Variants in CACNA1C observed in about 807,000 individuals in gnomAD.
CACNA1C encodes calcium voltage-gated channel subunit alpha1 C.
A neutral mutation model predicts 229.0 loss-of-function variants in CACNA1C; 30 were observed. That is an observed-to-expected ratio of 0.13 (90% confidence interval 0.10 to 0.18). The LOEUF (loss-of-function observed/expected upper bound fraction) is 0.18, where lower values mean the gene tolerates loss of function less well. CACNA1C is among the 10% of genes least tolerant of loss of function. The pLI is 1.00. For missense variants in CACNA1C, 1,658 were observed against 2,845.0 expected (o/e 0.58, Z 9.49); for synonymous variants, 1,114 against 1,132.5 (o/e 0.98, Z 0.33).
In CACNA1C at chr12:2,585,842, T is replaced by G; in HGVS notation, c.2468T>G (p.Met823Arg). ...TCCCCTGTGACTGTCTAGATCAACATGGATGACCTCCAGCCCAATGAAAAT... is the reference window on the plus strand; with the variant it reads ...TCCCCTGTGACTGTCTAGATCAACAGGGATGACCTCCAGCCCAATGAAAAT... ...GESPPATKIN[M>R]DDLQPNENED... Residue 823 changes from methionine to arginine, a missense_variant, in exon 18 of 47, where the codon ATG (methionine) becomes AGG (arginine). This residue lies in a region of CACNA1C where 121 missense variants were observed against 128.8 expected (regional missense o/e 0.94). Coordinates refer to ENST00000399655, the MANE Select transcript of CACNA1C (RefSeq NM_000719.7). The surrounding 1 kb of genome is among the most constrained non-coding windows in gnomAD (Gnocchi z 4.1). 1 of 1,608,396 alleles carries G rather than the reference T, an allele frequency of 6.2e-7. No homozygotes were observed. The highest frequency in any genetic ancestry group is 8.5e-7 in the Non-Finnish European group (1 of 1,176,856).
intron 3 of CACNA1C, among the ~76,000 whole-genome samples, chr12:2,241,459 C>G (rs1041088187): frequency 6.6e-6 from 1 of 151,988 alleles, no homozygotes; most frequent in African/African-American, 2.4e-5. Context: ...GGAGAGCACG[C>G]GTGTGGGATG....
intron 30 of CACNA1C, chr12:2,641,707 C>T: frequency 1.4e-6 from 1 of 702,494 alleles, no homozygotes; most frequent in Admixed American, 2.0e-5. Flanking sequence ...ATCATTGTAC[C>T]TTGAAGAGAA....
chr12:2,080,578 G>T (rs1226430744), intron 1 of CACNA1C, among the ~76,000 whole-genome samples: 1 of 144,882 alleles, frequency 6.9e-6, no homozygotes, highest in Non-Finnish European at 1.5e-5. Flanking sequence ...TCCAGCATGG[G>T]CAACAGAGTG....
chr12:2,210,794 A>C (rs1487907878), intron 3 of CACNA1C, among the ~76,000 whole-genome samples: 2 of 152,202 alleles, frequency 1.3e-5, no homozygotes, highest in Non-Finnish European at 2.9e-5. Flanking sequence ...ATCATCTGCC[A>C]GGACCCCAGC....
At chr12:2,089,924 GA>G (rs1458391135) in intron 1 of CACNA1C, among the ~76,000 whole-genome samples, 2 of 152,166 alleles carry the variant, frequency 1.3e-5, no homozygotes, top group Non-Finnish European at 2.9e-5. Flanking sequence ...AGCTACTTGG[GA>G]GGCTGAGGCA....
chr12:2,678,290 C>A lies in CACNA1C; in HGVS notation c.5091+423C>A, dbSNP rs2096926068. On this transcript the variant is annotated intron_variant, in intron 41 of 46. Transcript: ENST00000399655. The surrounding 1 kb of genome is among the most constrained non-coding windows in gnomAD (Gnocchi z 4.1). ...GACCTGGTAATATTAAGCTTGCATT[C>A]CCACAGGGCAGCAGAGGGCCGGAGC... Among the ~76,000 whole-genome samples the A allele has an allele frequency of 6.6e-6, 1 of 152,186 alleles. No homozygotes were observed. The highest frequency in any genetic ancestry group is 6.5e-5 in the Admixed American group (1 of 15,284).
intron 3 of CACNA1C, among the ~76,000 whole-genome samples, chr12:2,190,932 G>A (rs2097191758): frequency 6.6e-6 from 1 of 152,164 alleles, no homozygotes; most frequent in South Asian, 2.1e-4. Flanking sequence ...TCGCACCCAT[G>A]TTTTAGGGTC....
intron 18 of CACNA1C, among the ~76,000 whole-genome samples, chr12:2,587,617 C>T (rs965115408): frequency 1.3e-5 from 2 of 152,090 alleles, no homozygotes; most frequent in Non-Finnish European, 2.9e-5. Context: ...AAAAAAAGGG[C>T]TAATGAGGAT....
intron 3 of CACNA1C, among the ~76,000 whole-genome samples, chr12:2,434,564 C>T (rs986580245): frequency 5.3e-5 from 8 of 152,178 alleles, no homozygotes; most frequent in African/African-American, 9.7e-5. Flanking sequence ...CACTGGGATG[C>T]CTTCTAGCTG....
At chr12:2,335,242 C>T (rs947868966) in intron 3 of CACNA1C, among the ~76,000 whole-genome samples, 1 of 152,148 alleles carries the variant, frequency 6.6e-6, no homozygotes, top group Non-Finnish European at 1.5e-5. Context: ...ACAAGTGGCC[C>T]CAGTGATTTA....
At chr12:1,991,448 GAAGC>G (rs778795196) in intron 1 of CACNA1C, 3 of 213,438 alleles carry the variant, frequency 1.4e-5, no homozygotes, top group Non-Finnish European at 1.9e-5. Flanking sequence ...AAAATACAAA[GAAGC>G]AAGTGAAATT....
chr12:2,684,652 G>A (rs1355800698), intron 43 of CACNA1C, among the ~76,000 whole-genome samples: 2 of 152,124 alleles, frequency 1.3e-5, no homozygotes, highest in Non-Finnish European at 2.9e-5. Context: ...ACAACCCCCA[G>A]GGGTACAGGC....
At chr12:2,206,114 G>A (rs147194434) in intron 3 of CACNA1C, among the ~76,000 whole-genome samples, 3 of 152,226 alleles carry the variant, frequency 2.0e-5, no homozygotes, top group African/African-American at 7.2e-5. Flanking sequence ...GAGGGGGAGG[G>A]CGAGCTGGAC....
chr12:2,063,666 G>C (rs535838149), intron 1 of CACNA1C, among the ~76,000 whole-genome samples: 1 of 152,284 alleles, frequency 6.6e-6, no homozygotes, highest in African/African-American at 2.4e-5. Context: ...ATTTTTCAAA[G>C]GTATCTTAGC....
chr12:2,672,331 C>A (rs2096604089), intron 38 of CACNA1C: 1 of 152,126 alleles, frequency 6.6e-6, no homozygotes, highest in Non-Finnish European at 1.5e-5. Context: ...CATAGACCAT[C>A]ATGAGAATAA....
At chr12:2,129,019 A>G (rs1342481134) in intron 3 of CACNA1C, among the ~76,000 whole-genome samples, 2 of 152,180 alleles carry the variant, frequency 1.3e-5, no homozygotes, top group East Asian at 3.9e-4. Context: ...CTTGTGTGGT[A>G]AGGTGCTCCG....
intron 1 of CACNA1C, among the ~76,000 whole-genome samples, chr12:2,109,529 G>T (rs554117211): frequency 6.6e-6 from 1 of 152,360 alleles, no homozygotes; most frequent in South Asian, 2.1e-4. Flanking sequence ...CGGGCCCAGA[G>T]GGGAGTGAGG....
chr12:2,539,178 CAGTA>C (rs1188312491), intron 9 of CACNA1C, among the ~76,000 whole-genome samples: 1 of 152,222 alleles, frequency 6.6e-6, no homozygotes. Flanking sequence ...CCCATGGAAA[CAGTA>C]GGTACTCTTA....
At chr12:2,517,858 TC>T (rs1344166204) in intron 9 of CACNA1C, among the ~76,000 whole-genome samples, 1 of 152,248 alleles carries the variant, frequency 6.6e-6, no homozygotes, top group Admixed American at 6.5e-5. Flanking sequence ...TTCTTTTTCC[TC>T]TTCAAGATGA....
Sources: allele counts gnomAD v4.1 joint callset (sites outside exome capture counted in the v4.1 genomes callset), GRCh38; gene constraint gnomAD v4.1.1; regional missense constraint gnomAD v4.1.1; non-coding constraint Gnocchi (gnomAD v3.1); transcripts MANE v1.5; gene names NCBI Gene and HGNC (gene_info 2026-07-23, HGNC 2026-07-21).